EXOC6: variants seen among roughly 807,000 people sequenced by gnomAD.
EXOC6 encodes exocyst complex component 6.
In EXOC6, 60 loss-of-function variants were observed where a neutral mutation model predicts 112.5. The observed-to-expected ratio is 0.53, with a 90% CI of 0.43 to 0.66. The LOEUF is 0.66. Among genes scored for constraint, EXOC6 ranks in the 30% least tolerant of loss-of-function variants. The pLI is 0.00. For missense variants in EXOC6, 855 were observed against 957.1 expected (o/e 0.89, Z 1.41); for synonymous variants, 295 against 308.0 (o/e 0.96, Z 0.44).
intron 14 of EXOC6, 55 bp downstream of exon 14, chr10:92,948,434 G>A: frequency 9.7e-7 from 1 of 1,028,392 alleles, no homozygotes; most frequent in East Asian, 2.7e-5. Context: ...CATAGTATTT[G>A]TTACTACATA....
chr10:92,885,419 G>T (rs1398516837), intron 1 of EXOC6, among the ~76,000 whole-genome samples: 13 of 147,828 alleles, frequency 8.8e-5, no homozygotes, highest in African/African-American at 2.3e-4. Flanking sequence ...TTTCCCTGTT[G>T]CCCAGGCTGG....
At chr10:93,053,277 G>A (rs1846388521) in intron 20 of EXOC6, among the ~76,000 whole-genome samples, 1 of 152,206 alleles carries the variant, frequency 6.6e-6, no homozygotes. Flanking sequence ...ATAGCTGCCT[G>A]TGGAAATGGG....
chr10:92,928,024 C>T (rs1217831043), intron 8 of EXOC6, among the ~76,000 whole-genome samples: 1 of 152,160 alleles, frequency 6.6e-6, no homozygotes, highest in Non-Finnish European at 1.5e-5. Flanking sequence ...TGAAGCTAAT[C>T]TTTCACTGGG....
intron 18 of EXOC6, among the ~76,000 whole-genome samples, chr10:92,993,830 A>G (rs1422952019): frequency 6.6e-6 from 1 of 152,242 alleles, no homozygotes; most frequent in Non-Finnish European, 1.5e-5. Context: ...TTGGCATTAA[A>G]AGCCTTATTT....
rs1165512288 is a variant in EXOC6, at chr10:92,968,823, T to G, written c.1774-5230T>G. Among the ~76,000 whole-genome samples the G allele has an allele frequency of 3.3e-5, 5 of 152,168 alleles. No homozygotes were observed. The East Asian group carries it at 9.6e-4, about 29-fold the overall frequency. On this transcript the variant is annotated intron_variant, in intron 17 of 21. Coordinates refer to ENST00000260762, the MANE Select transcript of EXOC6 (RefSeq NM_019053.6). ...TTCATAAATAAGAAATTAAGTTAAT[T>G]TGCTTAAGATGTAAAGATAAGTGAA...
At chr10:92,861,839 A>G (rs1207821962) in intron 1 of EXOC6, among the ~76,000 whole-genome samples, 2 of 152,250 alleles carry the variant, frequency 1.3e-5, no homozygotes, top group Non-Finnish European at 2.9e-5. Context: ...TTTTAAAAAA[A>G]TAATTTTCAT....
intron 18 of EXOC6, among the ~76,000 whole-genome samples, chr10:92,980,975 C>G (rs552057243): frequency 6.6e-6 from 1 of 152,182 alleles, no homozygotes; most frequent in African/African-American, 2.4e-5. Context: ...TGCAGTGAGC[C>G]TAGATCGCGC....
chr10:93,004,465 C>T (rs1843889396), intron 19 of EXOC6, among the ~76,000 whole-genome samples: 1 of 152,174 alleles, frequency 6.6e-6, no homozygotes, highest in Non-Finnish European at 1.5e-5. Flanking sequence ...GACCATTTAA[C>T]TCCTTGATCT....
chr10:92,903,972 T>C (rs530436125), intron 5 of EXOC6, among the ~76,000 whole-genome samples: 8 of 152,110 alleles, frequency 5.3e-5, no homozygotes, highest in Non-Finnish European at 1.2e-4. Context: ...TTCCCTGCTG[T>C]GAACCCGTAC....
At chr10:92,910,469 T>C (rs1850682871) in intron 6 of EXOC6, among the ~76,000 whole-genome samples, 1 of 151,866 alleles carries the variant, frequency 6.6e-6, no homozygotes, top group Admixed American at 6.6e-5. Context: ...GGTGGGGAAA[T>C]TGCCTAGGAA....
chr10:92,848,559 G>A lies in EXOC6; in HGVS notation c.26G>A (p.Gly9Asp), dbSNP rs1441649080. Reference protein sequence around the residue: MAENSESLGTVPEHERILQ... With the variant: MAENSESLDTVPEHERILQ... ...ATGGCGGAGAACAGCGAGAGTCTGG[G>A]CACCGTCCCCGAGCACGAGCGGATC... The change falls in exon 1 of 22, where the codon GGC (glycine) becomes GAC (aspartate). Residue 9 changes from glycine (G) to aspartate (D), a missense_variant. Transcript: ENST00000260762. 4.1e-6 allele frequency: 6 copies of A among 1,446,784 alleles called. No individual in the cohort carries two copies. The highest frequency in any genetic ancestry group is 5.5e-6 in the Non-Finnish European group (6 of 1,082,368). 89.6% of individuals were successfully genotyped at this position (1,446,784 alleles called of 1,614,324 possible). A position where few individuals can be genotyped will look rare whatever the true frequency, so the allele number is the denominator to read the frequency against.
intron 4 of EXOC6, among the ~76,000 whole-genome samples, chr10:92,896,175 ATATATATTTTTTTTTTTT>A (rs1849799609): frequency 1.9e-3 from 38 of 20,512 alleles, no homozygotes; most frequent in South Asian, 4.8e-3. Context: ...ATATATATAT[ATATATATTTTTTTTTTTT>A]TTTTTTTTTT....
chr10:92,829,509 C>G (rs920513640), intron 1 of EXOC6, among the ~76,000 whole-genome samples: 1 of 152,214 alleles, frequency 6.6e-6, no homozygotes, highest in African/African-American at 2.4e-5. Context: ...GACAACAACA[C>G]CACTTCACTA....
At chr10:92,862,312 T>C (rs532079245) in intron 1 of EXOC6, among the ~76,000 whole-genome samples, 2 of 147,146 alleles carry the variant, frequency 1.4e-5, no homozygotes, top group African/African-American at 5.1e-5. Context: ...TCAATACTTG[T>C]TATGTCTGAA....
chr10:92,911,633 G>A (rs1287139558), intron 6 of EXOC6, among the ~76,000 whole-genome samples: 1 of 151,910 alleles, frequency 6.6e-6, no homozygotes, highest in Admixed American at 6.6e-5. Flanking sequence ...AGACTCTCTT[G>A]GTCCACTATC....
chr10:92,951,200 A>T (rs931330520), intron 14 of EXOC6, among the ~76,000 whole-genome samples: 1 of 152,206 alleles, frequency 6.6e-6, no homozygotes, highest in Non-Finnish European at 1.5e-5. Flanking sequence ...TTTGGACTTA[A>T]GAGAAAGATT....
At chr10:93,053,611 A>G (rs142083547) in intron 20 of EXOC6, among the ~76,000 whole-genome samples, 19 of 152,356 alleles carry the variant, frequency 1.2e-4, no homozygotes, top group African/African-American at 4.1e-4. Flanking sequence ...TTTGCCTGCA[A>G]GCCAACATTG....
At chr10:92,927,320 T>A (rs1245420726) in intron 8 of EXOC6, among the ~76,000 whole-genome samples, 2 of 152,162 alleles carry the variant, frequency 1.3e-5, no homozygotes, top group African/African-American at 4.8e-5. Context: ...GATTGAGGTA[T>A]AGTAATTAAT....
At position 93,058,982 on chromosome 10, in the gene EXOC6, A is replaced by G. The variant is rs541212376; in HGVS notation, c.*627A>G. 9 of 152,358 alleles carry G rather than the reference A, an allele frequency of 5.9e-5. No homozygotes were observed. The East Asian group carries it at 1.3e-3, about 23-fold the overall frequency. The allele number at this position is 152,358 out of a possible 1,614,324, so 9.4% of individuals were successfully genotyped here. A position where few individuals can be genotyped will look rare whatever the true frequency, so the allele number is the denominator to read the frequency against. On this transcript the variant is annotated 3_prime_UTR_variant, in exon 22 of 22. Transcript: ENST00000260762. ...ATGAACAAAAGGTTTTGGATTTTCT[A>G]AAGATGCAGTGTTGTTTCTGTTCAT...
Sources: gnomAD v4.1 joint callset for allele counts (sites outside exome capture counted in the v4.1 genomes callset) on GRCh38, gnomAD v4.1.1 for gene constraint, MANE v1.5 for transcripts, NCBI Gene and HGNC (gene_info 2026-07-23, HGNC 2026-07-21) for gene names.